The following PCDHGA3 variants were observed in gnomAD, a reference collection of about 807,000 sequenced individuals.
The protein encoded by PCDHGA3 is protocadherin gamma-A3.
PCDHGA3 carries 40 observed loss-of-function variants against 58.5 expected under a neutral mutation model. The observed-to-expected ratio is 0.68, with a 90% CI of 0.53 to 0.89. PCDHGA3 has a LOEUF of 0.89. Ranked by LOEUF, PCDHGA3 falls within the 40% of genes least tolerant of loss-of-function variation. The pLI is 0.00. For synonymous variants in PCDHGA3, 530 were observed against 525.7 expected, an observed-to-expected ratio of 1.01 and a Z score of -0.11; for missense variants, 1,223 against 1,195.9, an observed-to-expected ratio of 1.02 and a Z score of -0.33.
In PCDHGA3 at chr5:141,413,327, A is replaced by T. The variant is rs200027912; in HGVS notation, c.2424+66870A>T. ...TTAGAGAAAGGCTCTTTCGTGGGCA[A>T]CATCTCCAAGGACTTGGGTCTGGCG... On this transcript the variant is annotated intron_variant, in intron 1 of 3. Transcript: ENST00000253812. The T allele has an allele frequency of 2.6e-4, 421 of 1,613,984 alleles. 1 individual carries two copies. The highest frequency in any genetic ancestry group is 1.1e-3 in the South Asian group (96 of 91,090).
rs575250872 is a variant in PCDHGA3, at chr5:141,490,163, T to C, written c.2425-4644T>C. ...GGGGCAATCCATGTGTTGGGTCCCA[T>C]AGACTTTGAGGAGTCACGTTTCTAT... On this transcript the variant is annotated intron_variant, in intron 1 of 3. Transcript: ENST00000253812. This position sits in a 1 kb window ranked among gnomAD's most constrained non-coding sequence, Gnocchi z 5.4. 2 of 1,614,234 alleles carry C rather than the reference T, an allele frequency of 1.2e-6. No homozygotes were observed. The highest frequency in any genetic ancestry group is 2.2e-5 in the East Asian group (1 of 44,886).
intron 1 of PCDHGA3, chr5:141,403,482 A>G (rs764737675): frequency 5.0e-6 from 8 of 1,613,774 alleles, no homozygotes; most frequent in Non-Finnish European, 6.8e-6. Context: ...CCCAATCACC[A>G]CTTCTCCCTG....
chr5:141,496,621 CA>C (rs2099769988), intron 2 of PCDHGA3, among the ~76,000 whole-genome samples: 1 of 152,332 alleles, frequency 6.6e-6, no homozygotes, highest in Non-Finnish European at 1.5e-5. Flanking sequence ...AGCAGCAGAT[CA>C]AAAGGCTTGG....
chr5:141,496,126 C>T (rs934132550), intron 2 of PCDHGA3, among the ~76,000 whole-genome samples: 2 of 152,062 alleles, frequency 1.3e-5, no homozygotes, highest in African/African-American at 4.8e-5. Context: ...CCCTGCCCCT[C>T]ACACACTGAG....
intron 1 of PCDHGA3, chr5:141,427,571 G>T (rs1199845374): frequency 9.1e-6 from 6 of 662,944 alleles, no homozygotes; most frequent in Non-Finnish European, 1.7e-5. Context: ...GCAAGCCTCC[G>T]CTCTCATCCA....
chr5:141,421,904 C>T (rs1561797509), intron 1 of PCDHGA3: 1 of 1,613,734 alleles, frequency 6.2e-7, no homozygotes, highest in Admixed American at 1.7e-5. Flanking sequence ...CGAAAGGGCG[C>T]AGTTCCCATT....
intron 1 of PCDHGA3, chr5:141,418,840 C>T: frequency 6.2e-7 from 1 of 1,614,006 alleles, no homozygotes; most frequent in Middle Eastern, 1.6e-4. Context: ...GAGGATCTCT[C>T]TCAACACGGT....
Position 141,477,749 on chromosome 5 carries a change from C to T in PCDHGA3, c.2425-17058C>T. The stretch of plus-strand genomic sequence containing the variant: ...AGCTCATATCAGCGATGGGGGCACC[C>T]CGGTCCTAGCCACCAACATCAGCGT... On this transcript the variant is annotated intron_variant, in intron 1 of 3. Transcript: ENST00000253812. The surrounding 1 kb of genome is among the most constrained non-coding windows in gnomAD (Gnocchi z 4.9). 1 of 1,613,904 alleles carries T rather than the reference C, an allele frequency of 6.2e-7. No homozygotes were observed. Among genetic ancestry groups the T allele is most frequent in the Non-Finnish European group, 8.5e-7 (1 of 1,180,030 alleles).
At chr5:141,370,668 C>A in intron 1 of PCDHGA3, 5 of 1,613,762 alleles carry the variant, frequency 3.1e-6, no homozygotes, top group Middle Eastern at 3.3e-4. Flanking sequence ...CCGTATAGAC[C>A]GAGAGGAGAT....
chr5:141,460,277 A>C (rs2154566827), intron 1 of PCDHGA3, among the ~76,000 whole-genome samples: 1 of 152,124 alleles, frequency 6.6e-6, no homozygotes, highest in African/African-American at 2.4e-5. Context: ...TTTCTTTTAT[A>C]GTTTGTATTT....
intron 1 of PCDHGA3, among the ~76,000 whole-genome samples, chr5:141,400,846 A>G (rs1273650139): frequency 6.6e-6 from 1 of 152,190 alleles, no homozygotes; most frequent in Non-Finnish European, 1.5e-5. Context: ...ACATGTTTAT[A>G]TTTTATTGTA....
intron 1 of PCDHGA3, chr5:141,366,379 C>A (rs866007408): frequency 1.9e-6 from 3 of 1,614,134 alleles, no homozygotes; most frequent in African/African-American, 2.7e-5. Flanking sequence ...CCCCCATTGA[C>A]CCTGAGGATC....
At chr5:141,362,450 C>A (rs766571642) in intron 1 of PCDHGA3, 1 of 1,614,050 alleles carries the variant, frequency 6.2e-7, no homozygotes, top group Non-Finnish European at 8.5e-7. Flanking sequence ...AACATAACCC[C>A]GGAATTGGTT....
intron 1 of PCDHGA3, among the ~76,000 whole-genome samples, chr5:141,406,263 TC>T (rs1163660392): frequency 3.9e-5 from 6 of 151,964 alleles, no homozygotes; most frequent in Non-Finnish European, 8.8e-5. Flanking sequence ...CAAACGATCT[TC>T]CTGCTTCAGT....
rs137901127 is a variant in PCDHGA3 at position 141,436,420 on chromosome 5, A to G, written c.2425-58387A>G. 1.4e-3 allele frequency among the ~76,000 whole-genome samples: 213 copies of G among 152,326 alleles called. 1 individual carries two copies. The highest frequency in any genetic ancestry group is 4.8e-3 in the African/African-American group (199 of 41,594). ...AGTTGTTGAATGAATGGATAAACAA[A>G]TAATGTACTCTGGGGATTACCTGAT... On this transcript the variant is annotated intron_variant, in intron 1 of 3. Coordinates refer to ENST00000253812, the MANE Select transcript of PCDHGA3 (RefSeq NM_018916.4).
chr5:141,450,386 A>T (rs1208546397), intron 1 of PCDHGA3, among the ~76,000 whole-genome samples: 2 of 152,192 alleles, frequency 1.3e-5, no homozygotes, highest in Non-Finnish European at 2.9e-5. Flanking sequence ...TGAAACTGAC[A>T]TTTGTAAAGA....
At chr5:141,492,587 C>G (rs2154587748) in intron 1 of PCDHGA3, among the ~76,000 whole-genome samples, 1 of 152,314 alleles carries the variant, frequency 6.6e-6, no homozygotes, top group African/African-American at 2.4e-5. Flanking sequence ...GGGCCAGGAG[C>G]GCTGGAGCGA....
chr5:141,421,388 G>A (rs369403750), intron 1 of PCDHGA3: 1 of 1,613,934 alleles, frequency 6.2e-7, no homozygotes, highest in Non-Finnish European at 8.5e-7. Context: ...AAGGACCTGG[G>A]GCTGGAGCCC....
At chr5:141,388,590 A>G in intron 1 of PCDHGA3, 9 of 1,613,920 alleles carry the variant, frequency 5.6e-6, no homozygotes, top group Non-Finnish European at 7.6e-6. Flanking sequence ...GACTGATGCC[A>G]ATGATAATGC....
Sources: gnomAD v4.1 joint callset for allele counts (sites outside exome capture counted in the v4.1 genomes callset) on GRCh38, gnomAD v4.1.1 for gene constraint, Gnocchi (gnomAD v3.1) non-coding constraint, MANE v1.5 for transcripts, NCBI Gene and HGNC (gene_info 2026-07-23, HGNC 2026-07-21) for gene names.